Variants in ZRANB2 observed in about 807,000 individuals in gnomAD.
ZRANB2 encodes zinc finger Ran-binding domain-containing protein 2.
ZRANB2 carries 19 observed loss-of-function variants against 53.4 expected under a neutral mutation model. The ratio of observed to expected loss-of-function variants is 0.36; its 90% CI spans 0.25 to 0.52. ZRANB2 has a LOEUF of 0.52. ZRANB2 is among the 20% of genes least tolerant of loss of function. The probability of loss-of-function intolerance (pLI) is 0.93; values close to 1 mark genes in which losing one functional copy is unlikely to be tolerated. For missense variants in ZRANB2, 309 were observed against 401.1 expected, an observed-to-expected ratio of 0.77 and a Z score of 1.96; for synonymous variants, 145 against 134.8, an observed-to-expected ratio of 1.08 and a Z score of -0.52.
chr1:71,080,251 T>C (rs1661808536), intron 1 of ZRANB2, among the ~76,000 whole-genome samples: 1 of 152,156 alleles, frequency 6.6e-6, no homozygotes, highest in Non-Finnish European at 1.5e-5. Context: ...GTACTGGCTT[T>C]GGCAACAATG....
chr1:71,073,501 T>C (rs1452632564), intron 4 of ZRANB2, among the ~76,000 whole-genome samples: 4 of 151,786 alleles, frequency 2.6e-5, no homozygotes. Flanking sequence ...AACTTAAAAT[T>C]TGCCTATCAT....
At chr1:71,078,861 C>A (rs1661769999) in intron 1 of ZRANB2, among the ~76,000 whole-genome samples, 153 bp from the exon 2 acceptor site, 1 of 152,126 alleles carries the variant, frequency 6.6e-6, no homozygotes, top group Admixed American at 6.5e-5. Flanking sequence ...ACACAATTTA[C>A]TGGGGGAAAA....
In ZRANB2 at chr1:71,072,457, CA is replaced by C; in HGVS notation, c.378+14del. The C allele has an allele frequency of 6.3e-7, 1 of 1,583,492 alleles. No individual in the cohort carries two copies. ...TCTAATTTATATTCAACCTGAACAC[CA>C]AAATATAGCTTACCTCATCATATTC... On this transcript the variant is annotated intron_variant, in intron 5 of 9. Coordinates refer to ENST00000370920, the MANE Select transcript of ZRANB2 (RefSeq NM_203350.3).
intron 4 of ZRANB2, among the ~76,000 whole-genome samples, chr1:71,075,722 G>C (rs1661694619): frequency 4.0e-5 from 6 of 151,796 alleles, no homozygotes; most frequent in Admixed American, 3.9e-4. Context: ...CCTTAGGTGA[G>C]GGAAGAAAAA....
At chr1:71,072,366 T>A in intron 5 of ZRANB2, 106 bp downstream of exon 5, 1 of 1,445,042 alleles carries the variant, frequency 6.9e-7, no homozygotes, top group Non-Finnish European at 9.4e-7. Context: ...GATCAGTTGC[T>A]GAAGACTCAA....
At position 71,072,538 on chromosome 1, in the gene ZRANB2, A is replaced by G. The variant is rs891100925; in HGVS notation, c.312T>C (p.Gly104=). The change falls in exon 5 of 10, where the codon GGT becomes GGC. Residue 104 remains glycine (G), a synonymous_variant. Transcript: ENST00000370920. The part of the protein sequence containing the change: ...AKLEERTGYG[G]GFNERENVEY... ...CAACATTTTCTCTTTCATTAAAACC[A>G]CCACCATATCCTTAAAAAAGAGGGC... is the stretch of plus-strand genomic sequence containing the variant. The G allele has an allele frequency of 1.9e-5, 31 of 1,606,624 alleles. No homozygotes were observed. The highest frequency in any genetic ancestry group is 2.3e-5 in the Non-Finnish European group (27 of 1,174,860).
In ZRANB2 at chr1:71,078,450, A is replaced by C. The variant is rs749081231; in HGVS notation, c.218+7T>G. ...AGAAAGAGCAGACAATAATTTAAAA[A>C]ACATACGTTTTACATTGCCAGTCAT... On this transcript the variant is annotated splice_region_variant and intron_variant, in intron 3 of 9. Transcript: ENST00000370920. The C allele has an allele frequency of 2.5e-6, 4 of 1,609,430 alleles. No homozygotes were observed. The highest frequency in any genetic ancestry group is 2.5e-6 in the Non-Finnish European group (3 of 1,177,180).
chr1:71,073,136 GA>G (rs1661630772), intron 4 of ZRANB2, among the ~76,000 whole-genome samples: 1 of 152,020 alleles, frequency 6.6e-6, no homozygotes, highest in Admixed American at 6.6e-5. Context: ...AGTAAATTTT[GA>G]AATTAAATGA....
At position 71,063,293 on chromosome 1, in the gene ZRANB2, A is replaced by G. The variant is rs1225765783; in HGVS notation, c.*1781T>C. Reference sequence around the variant, plus strand: ...TTAGTTTAAAAATGAACATTAGATCAGAGTTTAAAAATCTCTAGTTTATTT... The same window carrying G: ...TTAGTTTAAAAATGAACATTAGATCGGAGTTTAAAAATCTCTAGTTTATTT... On this transcript the variant is annotated 3_prime_UTR_variant, in exon 10 of 10. Transcript: ENST00000370920. The G allele has an allele frequency of 6.6e-6, 1 of 152,316 alleles. No individual in the cohort carries two copies. Among genetic ancestry groups the G allele is most frequent in the African/African-American group, 2.4e-5 (1 of 41,458 alleles). 9.4% of individuals were successfully genotyped at this position (152,316 alleles called of 1,614,324 possible). A position where few individuals can be genotyped will look rare whatever the true frequency, so the allele number is the denominator to read the frequency against.
At chr1:71,065,874 A>G in intron 9 of ZRANB2, 1 of 1,426,970 alleles carries the variant, frequency 7.0e-7, no homozygotes, top group Non-Finnish European at 9.5e-7. Flanking sequence ...CCACTCAAAA[A>G]CAGAGTAATT....
intron 3 of ZRANB2, among the ~76,000 whole-genome samples, chr1:71,077,276 A>C (rs552118756): frequency 1.3e-4 from 20 of 152,294 alleles, no homozygotes; most frequent in Admixed American, 3.9e-4. Flanking sequence ...CAGATTAGGG[A>C]TGCTGAACCC....
Position 71,070,854 on chromosome 1 carries a change from G to T in ZRANB2, c.656C>A (p.Ser219Tyr). Residue 219 changes from serine to tyrosine, a missense_variant, in exon 7 of 10, where the codon TCC becomes TAC. Ser to Tyr is a moderately radical substitution (Grantham distance 144). Around this residue, in one of 3 missense-constraint regions of ZRANB2, gnomAD observed 211 missense variants for 196.1 expected, o/e 1.08. Coordinates refer to ENST00000370920, the MANE Select transcript of ZRANB2 (RefSeq NM_203350.3). ...SHSRSSSRSS[S>Y]PSSSRSRSRS... is the part of the protein sequence containing the mutation. ...GGACCTAGACCTTGAACTTGAGGGGGAGGATGAGCGTGATGAAGATCGTGA... is the reference window on the plus strand; with the variant it reads ...GGACCTAGACCTTGAACTTGAGGGGTAGGATGAGCGTGATGAAGATCGTGA... The T allele has an allele frequency of 9.4e-6, 15 of 1,602,096 alleles. No individual in the cohort carries two copies. The highest frequency in any genetic ancestry group is 1.3e-5 in the Non-Finnish European group (15 of 1,173,792).
intron 9 of ZRANB2, chr1:71,065,534 T>C (rs899423688): frequency 3.1e-6 from 4 of 1,277,138 alleles, no homozygotes; most frequent in Non-Finnish European, 3.1e-6. Context: ...AGAAGTCTAT[T>C]ATGTAAAAAA....
At chr1:71,076,348 C>T (rs558543346) in intron 4 of ZRANB2, among the ~76,000 whole-genome samples, 13 of 152,096 alleles carry the variant, frequency 8.5e-5, no homozygotes, top group Non-Finnish European at 1.8e-4. Flanking sequence ...ATTTTGCAAT[C>T]GATATTTGAA....
chr1:71,072,263 A>C lies in ZRANB2; in HGVS notation c.379-8T>G. The C allele has an allele frequency of 1.2e-6, 2 of 1,601,740 alleles. No individual in the cohort carries two copies. The highest frequency in any genetic ancestry group is 1.7e-6 in the Non-Finnish European group (2 of 1,176,804). ...TTTCTTTTTACGTCCAAACTAGAGA[A>C]AAACAATTTCAAAATGCTTGTCAGC... On this transcript the variant is annotated splice_polypyrimidine_tract_variant and splice_region_variant and intron_variant, in intron 5 of 9. Coordinates refer to ENST00000370920, the MANE Select transcript of ZRANB2 (RefSeq NM_203350.3).
chr1:71,077,539 A>C lies in ZRANB2; in HGVS notation c.219-662T>G, dbSNP rs150428276. Reference sequence around the variant, plus strand: ...TTTCCAATACAAATTTATAATCCTGAGGATCAGAAATTTATTTAAGACTCT... The same window carrying C: ...TTTCCAATACAAATTTATAATCCTGCGGATCAGAAATTTATTTAAGACTCT... On this transcript the variant is annotated intron_variant, in intron 3 of 9. Coordinates refer to ENST00000370920, the MANE Select transcript of ZRANB2 (RefSeq NM_203350.3). 2.6e-5 allele frequency among the ~76,000 whole-genome samples: 4 copies of C among 152,276 alleles called. No homozygotes were observed. The East Asian group carries it at 7.7e-4, about 29-fold the overall frequency.
Position 71,071,005 on chromosome 1 carries a change from A to G in ZRANB2, c.514-9T>C, listed in dbSNP as rs1220272940. The stretch of plus-strand genomic sequence containing the variant: ...TCATCTTCATCCTCATCCTAACAAA[A>G]ATTCAATTATAATTAGACATTTAGA... On this transcript the variant is annotated splice_polypyrimidine_tract_variant and intron_variant, in intron 6 of 9. Coordinates refer to ENST00000370920, the MANE Select transcript of ZRANB2 (RefSeq NM_203350.3). 1 of 1,543,832 alleles carries G rather than the reference A, an allele frequency of 6.5e-7. No homozygotes were observed. The highest frequency in any genetic ancestry group is 8.7e-7 in the Non-Finnish European group (1 of 1,148,950).
At position 71,065,046 on chromosome 1, in the gene ZRANB2, ATTTT is replaced by A. The variant is rs58499881; in HGVS notation, c.*24_*27del. 3,343 of 1,555,366 alleles carry A rather than the reference ATTTT, an allele frequency of 2.1e-3. 68 individuals are homozygous for A. The African/African-American group carries it at 0.041, about 19-fold the overall frequency. On this transcript the variant is annotated 3_prime_UTR_variant, in exon 10 of 10. Transcript: ENST00000370920. ...AAATATGCTTCATGCACTGTACTGG[ATTTT>A]TTTAAGATGTAAATTTTAATACATT...
At chr1:71,078,591 T>C (rs765637581) in intron 2 of ZRANB2, 26 bp from the exon 3 acceptor site, 1 of 1,612,016 alleles carries the variant, frequency 6.2e-7, no homozygotes, top group Admixed American at 1.7e-5. Context: ...TCATGCAATA[T>C]GAACCTGGAG....
Sources: gnomAD v4.1 joint callset for allele counts (sites outside exome capture counted in the v4.1 genomes callset) on GRCh38, gnomAD v4.1.1 for gene constraint, gnomAD v4.1.1 regional missense constraint, MANE v1.5 for transcripts, NCBI Gene and HGNC (gene_info 2026-07-23, HGNC 2026-07-21) for gene names.